The following DOP1A variants were observed in gnomAD, a reference collection of about 807,000 sequenced individuals.
DOP1A encodes protein DOP1A.
A neutral mutation model predicts 267.6 loss-of-function variants in DOP1A; 90 were observed. The ratio of observed to expected loss-of-function variants is 0.34; its 90% CI spans 0.28 to 0.40. The LOEUF (loss-of-function observed/expected upper bound fraction) is 0.40. Among genes scored for constraint, DOP1A ranks in the 10% least tolerant of loss-of-function variants. The probability of loss-of-function intolerance (pLI) is 1.00; values close to 1 mark genes in which losing one functional copy is unlikely to be tolerated. For missense variants in DOP1A, 2,437 were observed against 2,900.4 expected (o/e 0.84, Z 3.67); for synonymous variants, 932 against 999.1 (o/e 0.93, Z 1.27).
intron 1 of DOP1A, among the ~76,000 whole-genome samples, chr6:83,086,182 A>G (rs1210591828): frequency 1.3e-5 from 2 of 152,222 alleles, no homozygotes; most frequent in Non-Finnish European, 2.9e-5. Flanking sequence ...CAAAAACTTT[A>G]CTAATAGCCT....
At chr6:83,132,083 CAG>C (rs1778142654) in intron 17 of DOP1A, 91 bp from the exon 18 acceptor site, 1 of 1,441,394 alleles carries the variant, frequency 6.9e-7, no homozygotes, top group African/African-American at 1.4e-5. Flanking sequence ...TCAGGTCTGA[CAG>C]AGAGCAGGCA....
chr6:83,074,763 A>G (rs1766755106), intron 1 of DOP1A, among the ~76,000 whole-genome samples: 1 of 152,230 alleles, frequency 6.6e-6, no homozygotes, highest in South Asian at 2.1e-4. Flanking sequence ...TGAACTATAC[A>G]CTCAGTGGTT....
intron 14 of DOP1A, 59 bp downstream of exon 14, chr6:83,125,254 A>C: frequency 6.7e-6 from 10 of 1,483,272 alleles, no homozygotes; most frequent in Non-Finnish European, 9.1e-6. Context: ...TTATATTATA[A>C]TTTTAGTAAT....
chr6:83,164,601 T>C, intron 38 of DOP1A: 1 of 1,493,676 alleles, frequency 6.7e-7, no homozygotes, highest in Non-Finnish European at 9.1e-7. Flanking sequence ...AAGGTCTTCA[T>C]GGCCAAGCAT....
chr6:83,129,562 T>G, intron 16 of DOP1A, 54 bp downstream of exon 16: 1 of 1,383,294 alleles, frequency 7.2e-7, no homozygotes, highest in East Asian at 2.6e-5. Flanking sequence ...GTATGTTTTT[T>G]CTTTTTAAAA....
At position 83,140,057 on chromosome 6, in the gene DOP1A, G is replaced by A. The variant is rs1562352351; in HGVS notation, c.5178G>A (p.Gly1726=). The A allele has an allele frequency of 6.2e-7, 1 of 1,613,660 alleles. No homozygotes were observed. The highest frequency in any genetic ancestry group is 1.3e-5 in the African/African-American group (1 of 74,998). ...PPDMILTLLE[G]ITAIIHYCLL... The stretch of plus-strand genomic sequence containing the variant: ...ATATGATTCTTACTCTTTTGGAAGG[G>A]ATTACAGCCATTATCCATTACTGTT... Residue 1726 remains glycine (G), a synonymous_variant, in exon 22 of 39, where the codon GGG becomes GGA. Transcript: ENST00000349129.
intron 4 of DOP1A, 114 bp from the exon 5 acceptor site, chr6:83,108,796 G>A: frequency 9.9e-7 from 1 of 1,009,610 alleles, no homozygotes; most frequent in Non-Finnish European, 1.4e-6. Flanking sequence ...TCATTTTTAA[G>A]CCAATCAGTA....
intron 4 of DOP1A, among the ~76,000 whole-genome samples, chr6:83,107,662 G>T (rs1451491786): frequency 6.6e-6 from 1 of 152,186 alleles, no homozygotes; most frequent in African/African-American, 2.4e-5. Flanking sequence ...CATCAAATAG[G>T]GGGCCTAACC....
intron 15 of DOP1A, among the ~76,000 whole-genome samples, chr6:83,127,863 A>C (rs1265560112): frequency 1.3e-5 from 2 of 152,146 alleles, no homozygotes; most frequent in East Asian, 3.9e-4. Flanking sequence ...GCAATTGTAA[A>C]ATGTAGGAAT....
At chr6:83,083,674 T>C (rs57803370) in intron 1 of DOP1A, among the ~76,000 whole-genome samples, 2,612 of 152,308 alleles carry the variant, frequency 0.017, 92 homozygotes, top group African/African-American at 0.059. Flanking sequence ...CTGTGATTAT[T>C]ATCATCATCT....
At chr6:83,164,139 A>C (rs1784877713) in intron 38 of DOP1A, among the ~76,000 whole-genome samples, 1 of 148,574 alleles carries the variant, frequency 6.7e-6, no homozygotes, top group Non-Finnish European at 1.5e-5. Context: ...GAAATTTTCC[A>C]GTCTTCTGGA....
At chr6:83,144,366 AAG>A (rs985094518) in intron 24 of DOP1A, among the ~76,000 whole-genome samples, 1 of 152,158 alleles carries the variant, frequency 6.6e-6, no homozygotes, top group African/African-American at 2.4e-5. Flanking sequence ...TCAAGGAAAA[AAG>A]AGAAGAGAGG....
At chr6:83,118,002 G>A (rs1775744037) in intron 7 of DOP1A, among the ~76,000 whole-genome samples, 1 of 152,138 alleles carries the variant, frequency 6.6e-6, no homozygotes, top group African/African-American at 2.4e-5. Context: ...CTGTGATTAA[G>A]GAGAAGTGAG....
intron 15 of DOP1A, among the ~76,000 whole-genome samples, chr6:83,128,633 A>G (rs1777558733): frequency 6.6e-6 from 1 of 152,176 alleles, no homozygotes; most frequent in South Asian, 2.1e-4. Context: ...GTCATTTGAA[A>G]ACAAGGATAT....
chr6:83,096,676 A>C, intron 1 of DOP1A, 55 bp from the exon 2 acceptor site: 2 of 414,042 alleles, frequency 4.8e-6, no homozygotes, highest in Non-Finnish European at 8.5e-6. Flanking sequence ...AAGTATAAGA[A>C]AATTTTCTAT....
chr6:83,068,424 G>T (rs998464575), intron 1 of DOP1A, among the ~76,000 whole-genome samples: 2 of 152,174 alleles, frequency 1.3e-5, no homozygotes, highest in East Asian at 1.9e-4. Flanking sequence ...GTACCCTGAG[G>T]GGGGCGGGGA....
chr6:83,165,064 G>C (rs191644765), intron 38 of DOP1A: 126 of 211,416 alleles, frequency 6.0e-4, no homozygotes, highest in African/African-American at 2.4e-3. Flanking sequence ...TTGGAAGTTA[G>C]CTATATAGAG....
chr6:83,137,792 C>G lies in DOP1A; in HGVS notation c.3750C>G (p.Asp1250Glu). 1 of 1,613,860 alleles carries G rather than the reference C, an allele frequency of 6.2e-7. No individual in the cohort carries two copies. Among genetic ancestry groups the G allele is most frequent in the Non-Finnish European group, 8.5e-7 (1 of 1,179,872 alleles). Reference protein sequence around the residue: ...CISGTTHTLHDSSVASIETKS... With the variant: ...CISGTTHTLHESSVASIETKS... ...CAGGAACCACACACACTCTTCATGACTCTTCTGTTGCTTCCATAGAAACCA... is the reference window on the plus strand; with the variant it reads ...CAGGAACCACACACACTCTTCATGAGTCTTCTGTTGCTTCCATAGAAACCA... The change falls in exon 21 of 39, where the codon GAC (aspartate) becomes GAG (glutamate). Residue 1250 changes from aspartate to glutamate, a missense_variant. By Grantham distance (45) the Asp-to-Glu change is conservative. Transcript: ENST00000349129.
At chr6:83,109,688 C>T (rs115154157) in intron 5 of DOP1A, among the ~76,000 whole-genome samples, 1,634 of 152,112 alleles carry the variant, frequency 0.011, 38 homozygotes, top group African/African-American at 0.036. Context: ...TTATTATTTT[C>T]GGGGAGTTAA....
Sources: gnomAD v4.1 joint callset for allele counts (sites outside exome capture counted in the v4.1 genomes callset) on GRCh38, gnomAD v4.1.1 for gene constraint, MANE v1.5 for transcripts, NCBI Gene and HGNC (gene_info 2026-07-23, HGNC 2026-07-21) for gene names.